Variants in OR51B5 observed in about 807,000 individuals in gnomAD.
OR51B5 encodes olfactory receptor family 51 subfamily B member 5.
For missense variants in OR51B5, 456 were observed against 374.6 expected, an observed-to-expected ratio of 1.22 and a Z score of -1.79; for synonymous variants, 186 against 144.8, an observed-to-expected ratio of 1.28 and a Z score of -2.04.
chr11:5,447,272 T>C (rs971310386), intron 1 of OR51B5, among the ~76,000 whole-genome samples: 16 of 152,196 alleles, frequency 1.1e-4, no homozygotes, highest in African/African-American at 3.6e-4. Context: ...TGGATACAGC[T>C]GGTTGGGAAG....
At chr11:5,405,194 T>C (rs1850040908) in intron 1 of OR51B5, among the ~76,000 whole-genome samples, 1 of 152,218 alleles carries the variant, frequency 6.6e-6, no homozygotes, top group African/African-American at 2.4e-5. Flanking sequence ...AACTTTATTA[T>C]TTTCATCACT....
intron 1 of OR51B5, among the ~76,000 whole-genome samples, chr11:5,368,248 G>A (rs138625275): frequency 4.4e-4 from 67 of 152,182 alleles, no homozygotes; most frequent in African/African-American, 1.5e-3. Flanking sequence ...AGTAGTTTTG[G>A]GAATTAAACA....
intron 1 of OR51B5, among the ~76,000 whole-genome samples, chr11:5,428,906 G>A (rs924489128): frequency 1.3e-5 from 2 of 152,192 alleles, no homozygotes; most frequent in African/African-American, 2.4e-5. Flanking sequence ...TAAAATGTAG[G>A]TATAGTTTTT....
At chr11:5,499,730 C>G (rs568953521) in intron 1 of OR51B5, among the ~76,000 whole-genome samples, 41 of 152,284 alleles carry the variant, frequency 2.7e-4, no homozygotes, top group Non-Finnish European at 4.6e-4. Flanking sequence ...CTGAATCTAT[C>G]ACCCTATCAG....
At chr11:5,367,640 C>T (rs1238828936) in intron 1 of OR51B5, among the ~76,000 whole-genome samples, 4 of 152,140 alleles carry the variant, frequency 2.6e-5, no homozygotes, top group Admixed American at 2.0e-4. Flanking sequence ...TGACCTGTAT[C>T]TTGTGCCAAC....
chr11:5,375,680 G>A lies in OR51B5; in HGVS notation n.85-28770C>T, dbSNP rs946035955. On this transcript the variant is annotated intron_variant and non_coding_transcript_variant, in intron 1 of 4. Coordinates refer to the OR51B5 transcript ENST00000415970. ...GCAATCCTAGTCTCTGATAAAACAGGCTTTAAACCAACAAAGATCAAAAGA... is the reference window on the plus strand; with the variant it reads ...GCAATCCTAGTCTCTGATAAAACAGACTTTAAACCAACAAAGATCAAAAGA... Among the ~76,000 whole-genome samples, 216 of 151,922 alleles carry A rather than the reference G, an allele frequency of 1.4e-3. 1 individual carries two copies. The highest frequency in any genetic ancestry group is 4.8e-3 in the African/African-American group (200 of 41,436).
At chr11:5,372,961 C>G (rs935060735) in intron 1 of OR51B5, among the ~76,000 whole-genome samples, 3 of 152,116 alleles carry the variant, frequency 2.0e-5, no homozygotes, top group African/African-American at 7.2e-5. Context: ...ATGGTACTAT[C>G]ACATAAATAG....
At chr11:5,399,415 G>C (rs982248907) in intron 1 of OR51B5, among the ~76,000 whole-genome samples, 2 of 152,138 alleles carry the variant, frequency 1.3e-5, no homozygotes, top group African/African-American at 2.4e-5. Flanking sequence ...TAAATATTTA[G>C]AGCCAGTCCC....
chr11:5,354,854 G>T, intron 1 of OR51B5: 1 of 187,394 alleles, frequency 5.3e-6, no homozygotes. Context: ...GAGGGTACCA[G>T]ACCTGAGAGA....
Position 5,467,955 on chromosome 11 carries a change from A to G in OR51B5, n.84+37614T>C, listed in dbSNP as rs7106350. 2.9e-3 allele frequency among the ~76,000 whole-genome samples: 447 copies of G among 152,202 alleles called. 1 individual carries two copies. The highest frequency in any genetic ancestry group is 5.5e-3 in the Non-Finnish European group (376 of 68,000). On this transcript the variant is annotated intron_variant and non_coding_transcript_variant, in intron 1 of 4. Transcript: ENST00000415970. The stretch of plus-strand genomic sequence containing the variant: ...TCTTTGTACTAAACTTCTGAATTCC[A>G]TGTGTTGTATGGTTTCTATTTTTGT...
chr11:5,377,136 G>T (rs1849540018), intron 1 of OR51B5, among the ~76,000 whole-genome samples: 2 of 151,926 alleles, frequency 1.3e-5, no homozygotes, highest in South Asian at 4.2e-4. Context: ...TTCATCCCTG[G>T]GATGCAAGGC....
Sources: allele counts gnomAD v4.1 joint callset (sites outside exome capture counted in the v4.1 genomes callset), GRCh38; gene constraint gnomAD v4.1.1; transcripts MANE v1.5; gene names NCBI Gene and HGNC (gene_info 2026-07-23, HGNC 2026-07-21).